Variants in PDE4B observed in about 807,000 individuals in gnomAD.
The protein encoded by PDE4B is phosphodiesterase 4B.
PDE4B carries 20 observed loss-of-function variants against 82.2 expected under a neutral mutation model. The observed-to-expected ratio is 0.24, with a 90% CI of 0.17 to 0.35. The LOEUF (loss-of-function observed/expected upper bound fraction) is 0.35. Among genes scored for constraint, PDE4B ranks in the 10% least tolerant of loss-of-function variants. The pLI is 1.00. For synonymous variants in PDE4B, 320 were observed against 318.9 expected (o/e 1.00, Z -0.04); for missense variants, 655 against 907.2 (o/e 0.72, Z 3.57).
intron 3 of PDE4B, among the ~76,000 whole-genome samples, chr1:66,212,416 C>A (rs1010418392): frequency 6.6e-6 from 1 of 152,158 alleles, no homozygotes; most frequent in African/African-American, 2.4e-5. Flanking sequence ...AAATGTCCCT[C>A]ATCCCAATAT....
chr1:65,870,478 A>G (rs1646560357), intron 1 of PDE4B, among the ~76,000 whole-genome samples: 2 of 152,232 alleles, frequency 1.3e-5, no homozygotes, highest in Admixed American at 1.3e-4. Flanking sequence ...TGCTTAACAT[A>G]CATCAAAATT....
chr1:66,062,529 G>T lies in PDE4B; in HGVS notation c.281+143694G>T, dbSNP rs540368317. 1.2e-4 allele frequency among the ~76,000 whole-genome samples: 19 copies of T among 152,162 alleles called. No homozygotes were observed. The East Asian group carries it at 3.5e-3, about 28-fold the overall frequency. On this transcript the variant is annotated intron_variant, in intron 3 of 16. Transcript: ENST00000341517. ...TGAAGGAGAAGGACATTTTGTTCAA[G>T]TTTACCAAAGAGCTTCCCAACAAAT...
chr1:65,865,591 G>T (rs1286082856), intron 1 of PDE4B, among the ~76,000 whole-genome samples: 4 of 152,138 alleles, frequency 2.6e-5, no homozygotes, highest in African/African-American at 9.7e-5. Context: ...GTGCTAGGTG[G>T]GCCCAATAGC....
intron 3 of PDE4B, among the ~76,000 whole-genome samples, chr1:66,112,318 A>C (rs2101054623): frequency 6.6e-6 from 1 of 152,190 alleles, no homozygotes; most frequent in South Asian, 2.1e-4. Context: ...TACAATTTAT[A>C]ATTTATATAT....
intron 7 of PDE4B, among the ~76,000 whole-genome samples, chr1:66,293,530 A>G (rs1046396538): frequency 3.3e-5 from 5 of 152,118 alleles, no homozygotes; most frequent in Non-Finnish European, 7.3e-5. Flanking sequence ...ATCATTTACC[A>G]TCTCTAGAAT....
intron 8 of PDE4B, chr1:66,355,174 CA>C: frequency 2.6e-6 from 1 of 377,968 alleles, no homozygotes; most frequent in Non-Finnish European, 4.7e-6. Flanking sequence ...CTCCTCTCAC[CA>C]AATAGGTTAT....
chr1:66,250,828 A>T (rs558569341), intron 4 of PDE4B, among the ~76,000 whole-genome samples: 2 of 152,342 alleles, frequency 1.3e-5, no homozygotes, highest in East Asian at 3.9e-4. Flanking sequence ...CTGCAAAGCC[A>T]CAGGAAAGGA....
rs543479013 is a variant in PDE4B, at chr1:66,218,528, T to A, written c.282-28932T>A. Among the ~76,000 whole-genome samples, 7 of 152,260 alleles carry A rather than the reference T, an allele frequency of 4.6e-5. No homozygotes were observed. In the East Asian group the frequency reaches 1.2e-3, roughly 25 times the overall value. On this transcript the variant is annotated intron_variant, in intron 3 of 16. Coordinates refer to ENST00000341517, the MANE Select transcript of PDE4B (RefSeq NM_002600.4). ...TCATGGAGATGAGCCATATCCTTAA[T>A]GATCTCATTTCATTCTGTTTTCCAA...
At chr1:66,354,497 G>A (rs1194400235) in intron 8 of PDE4B, 2 of 1,055,590 alleles carry the variant, frequency 1.9e-6, no homozygotes, top group Admixed American at 5.2e-5. Flanking sequence ...ATGTAGAAGA[G>A]TGGAAACCCC....
At chr1:66,317,265 AC>A (rs1451902432) in intron 7 of PDE4B, among the ~76,000 whole-genome samples, 1 of 152,094 alleles carries the variant, frequency 6.6e-6, no homozygotes, top group East Asian at 1.9e-4. Context: ...ATCATCCAGA[AC>A]CCCATAAATC....
chr1:66,151,625 T>C (rs1478250712), intron 3 of PDE4B, among the ~76,000 whole-genome samples: 1 of 152,194 alleles, frequency 6.6e-6, no homozygotes, highest in African/African-American at 2.4e-5. Context: ...GGCTGAAAAA[T>C]TCCTATCTGT....
intron 3 of PDE4B, among the ~76,000 whole-genome samples, chr1:66,108,406 A>G (rs1032295761): frequency 6.6e-6 from 1 of 151,978 alleles, no homozygotes; most frequent in Non-Finnish European, 1.5e-5. Context: ...TCTGGATATG[A>G]TCCAAAAAGC....
intron 3 of PDE4B, among the ~76,000 whole-genome samples, chr1:65,974,912 C>T (rs548128417): frequency 5.9e-5 from 9 of 152,254 alleles, no homozygotes; most frequent in African/African-American, 1.9e-4. Context: ...TTGTTTATAG[C>T]AGCATAAGAA....
At chr1:66,045,262 T>C (rs1465992663) in intron 3 of PDE4B, among the ~76,000 whole-genome samples, 1 of 151,772 alleles carries the variant, frequency 6.6e-6, no homozygotes, top group Admixed American at 6.6e-5. Flanking sequence ...AATTTTTCTT[T>C]TCAATTTTTT....
chr1:66,093,703 A>G (rs1645065677), intron 3 of PDE4B, among the ~76,000 whole-genome samples: 1 of 152,100 alleles, frequency 6.6e-6, no homozygotes. Flanking sequence ...CCACTTATTT[A>G]TGTATTTATT....
intron 1 of PDE4B, among the ~76,000 whole-genome samples, chr1:65,810,048 G>C (rs969019068): frequency 6.6e-6 from 1 of 152,240 alleles, no homozygotes; most frequent in East Asian, 1.9e-4. Flanking sequence ...AAGCCACAGT[G>C]ACATTCCTAG....
chr1:66,075,251 A>T (rs1044293991), intron 3 of PDE4B, among the ~76,000 whole-genome samples: 1 of 151,998 alleles, frequency 6.6e-6, no homozygotes, highest in Non-Finnish European at 1.5e-5. Flanking sequence ...ATCCCATGCT[A>T]AGCCCCAATT....
At chr1:65,876,133 C>A (rs1646640899) in intron 1 of PDE4B, among the ~76,000 whole-genome samples, 1 of 151,994 alleles carries the variant, frequency 6.6e-6, no homozygotes, top group Non-Finnish European at 1.5e-5. Context: ...AGTTTTATTA[C>A]ATATCCTAAA....
intron 7 of PDE4B, among the ~76,000 whole-genome samples, chr1:66,270,439 A>G (rs897046862): frequency 2.6e-5 from 4 of 152,202 alleles, no homozygotes; most frequent in Non-Finnish European, 4.4e-5. Context: ...AGTGGACAAG[A>G]GGGTCAGTGA....
Sources: gnomAD v4.1 joint callset for allele counts (sites outside exome capture counted in the v4.1 genomes callset) on GRCh38, gnomAD v4.1.1 for gene constraint, MANE v1.5 for transcripts, NCBI Gene and HGNC (gene_info 2026-07-23, HGNC 2026-07-21) for gene names.